Variants in RAB23 observed in about 807,000 individuals in gnomAD.
RAB23 encodes the protein RAB23, member RAS oncogene family.
A neutral mutation model predicts 30.0 loss-of-function variants in RAB23; 15 were observed. That is an observed-to-expected ratio of 0.50 (90% CI 0.33 to 0.77). The LOEUF (loss-of-function observed/expected upper bound fraction) is 0.77, where lower values mean the gene tolerates loss of function less well. RAB23 is among the 30% of genes least tolerant of loss of function. The pLI, the probability that RAB23 is intolerant of heterozygous loss-of-function variation, is 0.02. For missense variants in RAB23, 243 were observed against 275.4 expected, an observed-to-expected ratio of 0.88 and a Z score of 0.83; for synonymous variants, 93 against 94.0, an observed-to-expected ratio of 0.99 and a Z score of 0.06.
chr6:57,196,313 T>A (rs1400603128), intron 4 of RAB23, 137 bp downstream of exon 4: 3 of 1,013,780 alleles, frequency 3.0e-6, no homozygotes, highest in Non-Finnish European at 4.4e-6. Context: ...TTTAGGTAAA[T>A]TAAAATATTT....
chr6:57,192,287 C>T (rs1005609035), intron 6 of RAB23, among the ~76,000 whole-genome samples: 3 of 152,166 alleles, frequency 2.0e-5, no homozygotes, highest in African/African-American at 7.2e-5. Flanking sequence ...GTGCTATTCA[C>T]AAAATGTAAT....
At chr6:57,204,769 T>G (rs1259566620) in intron 3 of RAB23, among the ~76,000 whole-genome samples, 2 of 152,104 alleles carry the variant, frequency 1.3e-5, no homozygotes, top group Non-Finnish European at 2.9e-5. Context: ...AGGGCAAGGT[T>G]TACTATGCCT....
intron 1 of RAB23, among the ~76,000 whole-genome samples, chr6:57,218,220 A>G (rs562756970): frequency 6.6e-6 from 1 of 152,348 alleles, no homozygotes; most frequent in African/African-American, 2.4e-5. Context: ...CTTTTTATGA[A>G]GCCAGCATTA....
chr6:57,213,055 G>A (rs899123358), intron 1 of RAB23, among the ~76,000 whole-genome samples: 3 of 152,106 alleles, frequency 2.0e-5, no homozygotes, highest in African/African-American at 4.8e-5. Flanking sequence ...GTGGAGGGAC[G>A]GTTTGGGGAT....
rs577896902 is a variant in RAB23 at position 57,220,026 on chromosome 6, T to A, written c.-66+1700A>T. ...ACCTGAAAAACACGTATCTAACATA[T>A]AATTTGTATCCAAAACATATAAAGA... On this transcript the variant is annotated intron_variant, in intron 1 of 6. Transcript: ENST00000468148. Among the ~76,000 whole-genome samples, 6 of 152,280 alleles carry A rather than the reference T, an allele frequency of 3.9e-5. No homozygotes were observed. The East Asian group carries it at 1.2e-3, about 29-fold the overall frequency.
At chr6:57,212,565 C>T (rs1027697895) in intron 1 of RAB23, among the ~76,000 whole-genome samples, 1 of 152,172 alleles carries the variant, frequency 6.6e-6, no homozygotes, top group South Asian at 2.1e-4. Flanking sequence ...TTTGGCTATA[C>T]ACTGGGATCA....
At chr6:57,208,831 G>A (rs906007241) in intron 2 of RAB23, among the ~76,000 whole-genome samples, 2 of 151,868 alleles carry the variant, frequency 1.3e-5, no homozygotes, top group Non-Finnish European at 2.9e-5. Context: ...GAGAACCCCT[G>A]GTTACATTTT....
intron 2 of RAB23, among the ~76,000 whole-genome samples, chr6:57,209,211 T>C (rs1274520624): frequency 6.6e-6 from 1 of 152,210 alleles, no homozygotes; most frequent in East Asian, 1.9e-4. Context: ...GGGAAGTGCA[T>C]GATGGGCAAC....
chr6:57,216,705 T>G (rs79959409), intron 1 of RAB23, among the ~76,000 whole-genome samples: 3 of 148,178 alleles, frequency 2.0e-5, no homozygotes, highest in Non-Finnish European at 3.0e-5. Context: ...ATTTTTATGG[T>G]TTTTTTTTTA....
intron 6 of RAB23, among the ~76,000 whole-genome samples, chr6:57,192,508 T>C (rs914947189): frequency 3.3e-5 from 5 of 152,184 alleles, no homozygotes; most frequent in African/African-American, 1.2e-4. Flanking sequence ...GAAGGACAGA[T>C]TGCATCTGAT....
intron 1 of RAB23, among the ~76,000 whole-genome samples, chr6:57,218,939 G>A (rs1765951013): frequency 6.6e-6 from 1 of 151,716 alleles, no homozygotes; most frequent in Admixed American, 6.6e-5. Flanking sequence ...TTGGGAACAA[G>A]GTAAGGATAT....
chr6:57,215,565 G>T (rs1765807074), intron 1 of RAB23, among the ~76,000 whole-genome samples: 1 of 152,186 alleles, frequency 6.6e-6, no homozygotes, highest in Non-Finnish European at 1.5e-5. Flanking sequence ...CTCTAGGAAT[G>T]AAAAGGAAAT....
chr6:57,202,883 T>C (rs1216023072), intron 3 of RAB23, among the ~76,000 whole-genome samples: 2 of 152,130 alleles, frequency 1.3e-5, no homozygotes, highest in African/African-American at 2.4e-5. Context: ...TTGTGATAAA[T>C]GTTTACTTTT....
intron 6 of RAB23, 49 bp downstream of exon 6, chr6:57,193,793 T>G: frequency 6.3e-7 from 1 of 1,598,932 alleles, no homozygotes; most frequent in East Asian, 2.2e-5. Flanking sequence ...TTATATGTGT[T>G]TTTTAACTTT....
chr6:57,218,881 ATC>A (rs1765949479), intron 1 of RAB23, among the ~76,000 whole-genome samples: 1 of 151,820 alleles, frequency 6.6e-6, no homozygotes, highest in South Asian at 2.1e-4. Context: ...AAAAAAAAGC[ATC>A]TATAACATAA....
In RAB23 at chr6:57,188,341, GCT is replaced by G. The variant is rs1009947942; in HGVS notation, c.*2118_*2119del. On this transcript the variant is annotated 3_prime_UTR_variant, in exon 7 of 7. Coordinates refer to ENST00000468148, the MANE Select transcript of RAB23 (RefSeq NM_016277.5). ...ATTAAAAATTCAAATATGTAACAAAGCTCTCTCTTCAGTTCTTATTTAAAAAA... is the reference window on the plus strand; with the variant it reads ...ATTAAAAATTCAAATATGTAACAAAGCTCTCTTCAGTTCTTATTTAAAAAA... The G allele has an allele frequency of 3.9e-5, 6 of 151,966 alleles. No homozygotes were observed. Among genetic ancestry groups the G allele is most frequent in the Non-Finnish European group, 7.4e-5 (5 of 67,976 alleles). The allele number at this position is 151,966 out of a possible 1,614,324, so 9.4% of individuals were successfully genotyped here. A position where few individuals can be genotyped will look rare whatever the true frequency, so the allele number is the denominator to read the frequency against.
intron 5 of RAB23, among the ~76,000 whole-genome samples, 179 bp downstream of exon 5, chr6:57,194,591 G>C (rs1171433443): frequency 1.3e-5 from 2 of 151,924 alleles, no homozygotes; most frequent in African/African-American, 4.8e-5. Flanking sequence ...AAGTATTCAA[G>C]GGCATTAGTA....
intron 6 of RAB23, among the ~76,000 whole-genome samples, chr6:57,191,617 T>C (rs551126071): frequency 6.6e-6 from 1 of 151,968 alleles, no homozygotes; most frequent in African/African-American, 2.4e-5. Flanking sequence ...GCCCGGCTAA[T>C]TTTTCATATT....
intron 1 of RAB23, among the ~76,000 whole-genome samples, chr6:57,218,854 C>CA (rs752945184): frequency 0.036 from 3,234 of 89,578 alleles, 33 homozygotes; most frequent in Admixed American, 0.046. Context: ...ATTCTGTCTC[C>CA]AAAAAAAAAA....
Sources: gnomAD v4.1 joint callset for allele counts (sites outside exome capture counted in the v4.1 genomes callset) on GRCh38, gnomAD v4.1.1 for gene constraint, MANE v1.5 for transcripts, NCBI Gene and HGNC (gene_info 2026-07-23, HGNC 2026-07-21) for gene names.